The following TMCO6 variants were observed in gnomAD, a reference collection of about 807,000 sequenced individuals.
TMCO6 encodes the protein transmembrane and coiled-coil domain-containing protein 6.
TMCO6 carries 47 observed loss-of-function variants against 61.8 expected under a neutral mutation model. That is an observed-to-expected ratio of 0.76 (90% confidence interval 0.60 to 0.97). The LOEUF (loss-of-function observed/expected upper bound fraction) is 0.97, where lower values mean the gene tolerates loss of function less well. Among genes scored for constraint, TMCO6 ranks in the 50% least tolerant of loss-of-function variants. The probability of loss-of-function intolerance (pLI) is 0.00; values close to 1 mark genes in which losing one functional copy is unlikely to be tolerated. For missense variants in TMCO6, 557 were observed against 601.6 expected (o/e 0.93, Z 0.78); for synonymous variants, 261 against 254.2 (o/e 1.03, Z -0.25).
chr5:140,647,702 G>A, downstream of TMCO6: 1 of 1,408,628 alleles, frequency 7.1e-7, no homozygotes, highest in South Asian at 1.2e-5. Context: ...GGTAAAGCTT[G>A]GCCAATGATA....
At chr5:140,631,872 GC>G in the TMCO6 span, 1 of 1,564,790 alleles carries the variant, frequency 6.4e-7, no homozygotes, top group Non-Finnish European at 8.7e-7. Flanking sequence ...AAAGCCCCGG[GC>G]CCCTTGGAGC....
At chr5:140,620,440 T>C in the TMCO6 span, among the ~76,000 whole-genome samples, 1 of 152,166 alleles carries the variant, frequency 6.6e-6, no homozygotes, top group African/African-American at 2.4e-5. Context: ...TATGATGATA[T>C]AATGGTGGGT....
intron 2 of TMCO6, among the ~76,000 whole-genome samples, chr5:140,640,331 T>C (rs1756937759): frequency 6.6e-6 from 1 of 152,200 alleles, no homozygotes; most frequent in African/African-American, 2.4e-5. Flanking sequence ...CGGATTTGTG[T>C]CTCAAGCCCT....
the TMCO6 span, among the ~76,000 whole-genome samples, chr5:140,606,884 AGATGTGGGGGTGGAATACAAC>A: frequency 6.6e-6 from 1 of 152,118 alleles, no homozygotes; most frequent in Non-Finnish European, 1.5e-5. Flanking sequence ...CAGTGGGACA[AGATGTGGGGGTGGAATACAAC>A]GATGTTGATG....
At chr5:140,608,069 C>T in the TMCO6 span, among the ~76,000 whole-genome samples, 3 of 152,174 alleles carry the variant, frequency 2.0e-5, no homozygotes, top group South Asian at 2.1e-4. Context: ...GGATTACATG[C>T]GTGAGCCACT....
the TMCO6 span, among the ~76,000 whole-genome samples, chr5:140,600,469 GT>G: frequency 2.1e-3 from 289 of 138,324 alleles, 1 homozygote; most frequent in Middle Eastern, 7.5e-3. Flanking sequence ...AATTTGTTTT[GT>G]TTTTTTTTTT....
At chr5:140,618,002 T>TGGAGG in the TMCO6 span, among the ~76,000 whole-genome samples, 1 of 152,180 alleles carries the variant, frequency 6.6e-6, no homozygotes, top group South Asian at 2.1e-4. Flanking sequence ...GGACTGACAC[T>TGGAGG]ACCTGACTTC....
chr5:140,637,420 A>G (rs1025770355), upstream of TMCO6, among the ~76,000 whole-genome samples: 16 of 152,226 alleles, frequency 1.1e-4, no homozygotes, highest in African/African-American at 3.9e-4. Flanking sequence ...AAATAATGAT[A>G]TCTTTCTCAT....
At chr5:140,646,982 T>A (rs1757440321), downstream of TMCO6, 2 of 387,878 alleles carry the variant, frequency 5.2e-6, no homozygotes, top group African/African-American at 4.1e-5. Context: ...TTGACTAACT[T>A]CTCTCCTGTC....
At chr5:140,633,086 C>G in the TMCO6 span, 1 of 1,614,122 alleles carries the variant, frequency 6.2e-7, no homozygotes, top group Non-Finnish European at 8.5e-7. Context: ...GATAAGTCTT[C>G]CGAACCTCTG....
At chr5:140,647,490 C>T (rs371682984), downstream of TMCO6, 8 of 1,612,506 alleles carry the variant, frequency 5.0e-6, no homozygotes, top group Non-Finnish European at 6.8e-6. Context: ...CACCTGACGC[C>T]CTGGCTGCCG....
chr5:140,603,008 CAA>C, the TMCO6 span, among the ~76,000 whole-genome samples: 1 of 151,468 alleles, frequency 6.6e-6, no homozygotes, highest in Admixed American at 6.6e-5. Flanking sequence ...GCCTGGGAAA[CAA>C]GAGTGAAATT....
chr5:140,616,378 A>G, the TMCO6 span, among the ~76,000 whole-genome samples: 1 of 151,718 alleles, frequency 6.6e-6, no homozygotes, highest in African/African-American at 2.4e-5. Flanking sequence ...TGGGCAACAT[A>G]GTAAACCATA....
the TMCO6 span, among the ~76,000 whole-genome samples, chr5:140,620,787 G>A: frequency 6.6e-6 from 1 of 152,168 alleles, no homozygotes; most frequent in Non-Finnish European, 1.5e-5. Flanking sequence ...AAGGCAGGAG[G>A]ATCACTTGAG....
At chr5:140,642,560 C>A (rs778345722) in intron 5 of TMCO6, 26 bp from the exon 6 acceptor site, 4 of 1,613,786 alleles carry the variant, frequency 2.5e-6, no homozygotes, top group Non-Finnish European at 2.5e-6. Context: ...AGCTTCCAGT[C>A]AGATCCTTAC....
the TMCO6 span, among the ~76,000 whole-genome samples, chr5:140,611,086 GTTTAT>G: frequency 6.6e-6 from 1 of 152,162 alleles, no homozygotes. Context: ...ACAAAGACAG[GTTTAT>G]TTTGGAGCAT....
chr5:140,610,942 A>G, the TMCO6 span, among the ~76,000 whole-genome samples: 1 of 152,132 alleles, frequency 6.6e-6, no homozygotes, highest in Non-Finnish European at 1.5e-5. Context: ...AATTTTGTCA[A>G]ATGCTTCTTC....
chr5:140,620,979 C>T, the TMCO6 span, among the ~76,000 whole-genome samples: 1 of 152,112 alleles, frequency 6.6e-6, no homozygotes, highest in South Asian at 2.1e-4. Flanking sequence ...TGCCACTACA[C>T]TCCAACCTGG....
At chr5:140,619,235 A>G in the TMCO6 span, among the ~76,000 whole-genome samples, 1 of 152,222 alleles carries the variant, frequency 6.6e-6, no homozygotes, top group South Asian at 2.1e-4. Flanking sequence ...GCTCTACATG[A>G]TGTTATTGAC....
Sources: allele counts gnomAD v4.1 joint callset (sites outside exome capture counted in the v4.1 genomes callset), GRCh38; gene constraint gnomAD v4.1.1; transcripts MANE v1.5; gene names NCBI Gene and HGNC (gene_info 2026-07-23, HGNC 2026-07-21).